Variants in LSM6 observed in about 807,000 individuals in gnomAD.
LSM6 encodes the protein U6 snRNA-associated Sm-like protein LSm6.
In LSM6, 2 loss-of-function variants were observed where a neutral mutation model predicts 13.5. The ratio of observed to expected loss-of-function variants is 0.15; its 90% CI spans 0.06 to 0.47. The LOEUF is 0.47. Among genes scored for constraint, LSM6 ranks in the 20% least tolerant of loss-of-function variants. The pLI is 0.97. For synonymous variants in LSM6, 43 were observed against 34.9 expected, an observed-to-expected ratio of 1.23 and a Z score of -0.82; for missense variants, 58 against 96.4, an observed-to-expected ratio of 0.60 and a Z score of 1.67.
chr4:146,175,772 T>A lies in LSM6; in HGVS notation c.-50T>A, dbSNP rs1324256834. ...GGATCATCCGCGGCGGCCGGGCTCG[T>A]GGGGCGCCTGGAGTGAGGGTTCTGG... On this transcript the variant is annotated 5_prime_UTR_variant, in exon 1 of 4. Coordinates refer to ENST00000296581, the MANE Select transcript of LSM6 (RefSeq NM_007080.3). The A allele has an allele frequency of 6.6e-6, 1 of 152,328 alleles. No homozygotes were observed. The highest frequency in any genetic ancestry group is 1.9e-4 in the East Asian group (1 of 5,182). 9.4% of individuals were successfully genotyped at this position (152,328 alleles called of 1,614,324 possible).
In LSM6 at chr4:146,190,931, G is replaced by A. The variant is rs900164748; in HGVS notation, c.*1275G>A. ...TCGAGAAGGAGAGAGGGAAGGGGCAGTGCTGATTCTGGAGAGGTGTATGTA... is the reference window on the plus strand; with the variant it reads ...TCGAGAAGGAGAGAGGGAAGGGGCAATGCTGATTCTGGAGAGGTGTATGTA... On this transcript the variant is annotated 3_prime_UTR_variant, in exon 4 of 4. Transcript: ENST00000296581. 4 of 152,220 alleles carry A rather than the reference G, an allele frequency of 2.6e-5. No individual in the cohort carries two copies. Among genetic ancestry groups the A allele is most frequent in the African/African-American group, 9.7e-5 (4 of 41,450 alleles). 9.4% of individuals were successfully genotyped at this position (152,220 alleles called of 1,614,324 possible). A position where few individuals can be genotyped will look rare whatever the true frequency, so the allele number is the denominator to read the frequency against.
chr4:146,186,855 C>A (rs183944274), intron 2 of LSM6, among the ~76,000 whole-genome samples: 1 of 152,186 alleles, frequency 6.6e-6, no homozygotes, highest in South Asian at 2.1e-4. Flanking sequence ...CTGCCAGACC[C>A]GTATTTCACT....
At chr4:146,183,101 C>A in intron 2 of LSM6, 86 bp downstream of exon 2, 2 of 915,714 alleles carry the variant, frequency 2.2e-6, no homozygotes, top group African/African-American at 1.7e-5. Context: ...TAAGTATACC[C>A]AATAGGCCAA....
At chr4:146,180,469 A>C (rs1179482500) in intron 1 of LSM6, among the ~76,000 whole-genome samples, 1 of 152,250 alleles carries the variant, frequency 6.6e-6, no homozygotes, top group African/African-American at 2.4e-5. Flanking sequence ...GTTTATAAAA[A>C]GGTGTGGAAA....
chr4:146,185,885 T>C (rs62326801), intron 2 of LSM6, among the ~76,000 whole-genome samples: 35,456 of 151,836 alleles, frequency 0.23, 4,728 homozygotes, highest in Non-Finnish European at 0.3. Context: ...TACAGGCACC[T>C]GCCACCATGC....
intron 2 of LSM6, among the ~76,000 whole-genome samples, chr4:146,183,841 G>A (rs920331731): frequency 5.4e-5 from 8 of 148,478 alleles, no homozygotes; most frequent in African/African-American, 2.0e-4. Context: ...TGGTGCACCC[G>A]TCACCTGAGC....
intron 1 of LSM6, among the ~76,000 whole-genome samples, chr4:146,177,736 TGTTA>T (rs1484239341): frequency 3.3e-5 from 5 of 152,318 alleles, no homozygotes; most frequent in Admixed American, 2.0e-4. Flanking sequence ...AGGGCCGTCC[TGTTA>T]GTTGTAAAAT....
At chr4:146,179,686 G>T (rs754329776) in intron 1 of LSM6, among the ~76,000 whole-genome samples, 1 of 152,154 alleles carries the variant, frequency 6.6e-6, no homozygotes, top group Non-Finnish European at 1.5e-5. Flanking sequence ...ATACAAAAGA[G>T]GGCATAGTGA....
rs1269328466 is a variant in LSM6 at position 146,190,244 on chromosome 4, T to C, written c.*588T>C. On this transcript the variant is annotated 3_prime_UTR_variant, in exon 4 of 4. Coordinates refer to ENST00000296581, the MANE Select transcript of LSM6 (RefSeq NM_007080.3). ...GCACATAAGGAGTGGGAATTCGAACTGAGGTGCTGGAGAAATCCTAAAGAT... is the reference window on the plus strand; with the variant it reads ...GCACATAAGGAGTGGGAATTCGAACCGAGGTGCTGGAGAAATCCTAAAGAT... 6.6e-6 allele frequency: 1 copy of C among 152,494 alleles called. No homozygotes were observed. Among genetic ancestry groups the C allele is most frequent in the Non-Finnish European group, 1.5e-5 (1 of 68,258 alleles). The allele number at this position is 152,494 out of a possible 1,614,324, so 9.4% of individuals were successfully genotyped here. A position where few individuals can be genotyped will look rare whatever the true frequency, so the allele number is the denominator to read the frequency against.
At chr4:146,176,870 TC>T (rs1730122339) in intron 1 of LSM6, among the ~76,000 whole-genome samples, 1 of 152,172 alleles carries the variant, frequency 6.6e-6, no homozygotes, top group South Asian at 2.1e-4. Flanking sequence ...GACTAGATTC[TC>T]AGAAGTGAAA....
chr4:146,181,730 A>G (rs1578677945), intron 1 of LSM6, among the ~76,000 whole-genome samples: 1 of 152,244 alleles, frequency 6.6e-6, no homozygotes, highest in African/African-American at 2.4e-5. Context: ...TCAGTGCTAT[A>G]TAGCTGCTGA....
chr4:146,180,650 G>A (rs1015168154), intron 1 of LSM6, among the ~76,000 whole-genome samples: 4 of 152,170 alleles, frequency 2.6e-5, no homozygotes, highest in Non-Finnish European at 5.9e-5. Context: ...AATAATTAAA[G>A]TAGTTAATAT....
chr4:146,176,437 G>A (rs1730110331), intron 1 of LSM6: 1 of 152,272 alleles, frequency 6.6e-6, no homozygotes, highest in Admixed American at 6.5e-5. Flanking sequence ...GCATTTTTAA[G>A]GTGTGTAGGA....
chr4:146,183,505 ATAT>A (rs1399847085), intron 2 of LSM6: 1 of 152,618 alleles, frequency 6.6e-6, no homozygotes, highest in East Asian at 1.9e-4. Context: ...CTTGGAGAGA[ATAT>A]TATTTTTAAG....
At chr4:146,177,047 T>A (rs1435966441) in intron 1 of LSM6, among the ~76,000 whole-genome samples, 1 of 148,780 alleles carries the variant, frequency 6.7e-6, no homozygotes, top group Non-Finnish European at 1.5e-5. Context: ...TGTGTGTGTG[T>A]GTCACTGGCG....
chr4:146,185,728 CTT>C (rs375209316), intron 2 of LSM6, among the ~76,000 whole-genome samples: 2 of 144,056 alleles, frequency 1.4e-5, no homozygotes, highest in African/African-American at 2.5e-5. Context: ...GAAGTGAACT[CTT>C]TTTTTTTTTT....
chr4:146,177,115 C>T (rs1730128767), intron 1 of LSM6, among the ~76,000 whole-genome samples: 1 of 151,932 alleles, frequency 6.6e-6, no homozygotes, highest in Non-Finnish European at 1.5e-5. Flanking sequence ...GGTCATCTGG[C>T]ATAACTCCCT....
intron 1 of LSM6, 80 bp from the exon 2 acceptor site, chr4:146,182,832 T>C (rs899065557): frequency 2.5e-6 from 2 of 808,858 alleles, no homozygotes; most frequent in Non-Finnish European, 4.3e-6. Flanking sequence ...TCTGTAAGTA[T>C]GTTAAGGGCT....
Position 146,178,812 on chromosome 4 carries a change from C to T in LSM6, c.-11+3001C>T, listed in dbSNP as rs187752989. Reference sequence around the variant, plus strand: ...TGCTACTCTCCAACTGGATTTCTCACCGCCTCTATTGCGATTCCCCAAGAT... The same window carrying T: ...TGCTACTCTCCAACTGGATTTCTCATCGCCTCTATTGCGATTCCCCAAGAT... On this transcript the variant is annotated intron_variant, in intron 1 of 3. Transcript: ENST00000296581. Among the ~76,000 whole-genome samples, 3 of 152,254 alleles carry T rather than the reference C, an allele frequency of 2.0e-5. No individual in the cohort carries two copies. The East Asian group carries it at 5.8e-4, about 29-fold the overall frequency.
Sources: allele counts gnomAD v4.1 joint callset (sites outside exome capture counted in the v4.1 genomes callset), GRCh38; gene constraint gnomAD v4.1.1; transcripts MANE v1.5; gene names NCBI Gene and HGNC (gene_info 2026-07-23, HGNC 2026-07-21).